Variants in KCNG2 observed in about 807,000 individuals in gnomAD.
KCNG2 encodes potassium voltage-gated channel modifier subfamily G member 2, also known as voltage-gated potassium channel regulatory subunit KCNG2.
Under a neutral mutation model 12.3 loss-of-function variants are expected in KCNG2, and 7 were observed. The observed-to-expected ratio is 0.57, with a 90% CI of 0.32 to 1.07. The LOEUF is 1.07. KCNG2 is among the 50% of genes least tolerant of loss of function. The pLI, the probability that KCNG2 is intolerant of heterozygous loss-of-function variation, is 0.04. For synonymous variants in KCNG2, 414 were observed against 351.4 expected, an observed-to-expected ratio of 1.18 and a Z score of -1.99; for missense variants, 703 against 726.0, an observed-to-expected ratio of 0.97 and a Z score of 0.36.
rs187963915 is a variant in KCNG2, at chr18:79,843,427, G to C, written c.-114-12952G>C. On this transcript the variant is annotated intron_variant, in intron 1 of 3. Transcript: ENST00000316249. ...AGGATAAAACTTACTGTAAAGGTAA[G>C]AATATAGTCAAATTCAGAATGTTCT... Among the ~76,000 whole-genome samples the C allele has an allele frequency of 7.9e-5, 12 of 152,276 alleles. No homozygotes were observed. In the East Asian group the frequency reaches 2.1e-3, roughly 27 times the overall value.
intron 3 of KCNG2, among the ~76,000 whole-genome samples, chr18:79,885,825 G>A (rs111746258): frequency 0.15 from 14,233 of 98,008 alleles, 562 homozygotes; most frequent in East Asian, 0.33. Context: ...ACGTGGGGAC[G>A]GGGACATGGG....
intron 1 of KCNG2, among the ~76,000 whole-genome samples, chr18:79,834,595 A>C (rs570715447): frequency 2.0e-5 from 3 of 152,228 alleles, no homozygotes; most frequent in Non-Finnish European, 4.4e-5. Flanking sequence ...ACAAACAAAC[A>C]AACAGCTGGT....
intron 1 of KCNG2, among the ~76,000 whole-genome samples, chr18:79,829,288 C>G (rs954681591): frequency 6.7e-6 from 1 of 149,686 alleles, no homozygotes; most frequent in African/African-American, 2.5e-5. Flanking sequence ...GTGTGTGTGT[C>G]TGCATGTATC....
chr18:79,801,018 C>G (rs979507866), intron 1 of KCNG2, among the ~76,000 whole-genome samples: 2 of 152,224 alleles, frequency 1.3e-5, no homozygotes, highest in Non-Finnish European at 2.9e-5. Flanking sequence ...TGTGAACTAT[C>G]AGACAGCCTC....
Position 79,800,696 on chromosome 18 carries a change from G to C in KCNG2, c.-115+2682G>C, listed in dbSNP as rs1014361222. ...GCAGTTCCTTCCCCGGGCGGGCGGC[G>C]CTGAGCAGACGGGAGGTGGGCTGGT... On this transcript the variant is annotated intron_variant, in intron 1 of 3. Transcript: ENST00000316249. The surrounding 1 kb of genome is among the most constrained non-coding windows in gnomAD (Gnocchi z 4.0). Among the ~76,000 whole-genome samples, 1 of 152,200 alleles carries C rather than the reference G, an allele frequency of 6.6e-6. No individual in the cohort carries two copies. The highest frequency in any genetic ancestry group is 2.4e-5 in the African/African-American group (1 of 41,454).
At chr18:79,837,543 T>A (rs947577408) in intron 1 of KCNG2, among the ~76,000 whole-genome samples, 1 of 152,212 alleles carries the variant, frequency 6.6e-6, no homozygotes, top group South Asian at 2.1e-4. Context: ...AGAAAAATCA[T>A]CTCAAGTTCA....
At chr18:79,817,361 A>G (rs144669679) in intron 1 of KCNG2, among the ~76,000 whole-genome samples, 2,405 of 152,286 alleles carry the variant, frequency 0.016, 28 homozygotes, top group Middle Eastern at 0.034. Flanking sequence ...CATGGATGTC[A>G]CACACAGTTG....
rs949398660 is a variant in KCNG2 at position 79,884,422 on chromosome 18, C to G, written c.625-14618C>G. The stretch of plus-strand genomic sequence containing the variant: ...CCGGTGAGGGCGCCTCTGCTCAACC[C>G]CGGCCTGGCAGGGACTGGCTGGTTC... On this transcript the variant is annotated intron_variant, in intron 3 of 3. Transcript: ENST00000316249. This position sits in a 1 kb window ranked among gnomAD's most constrained non-coding sequence, Gnocchi z 5.5. 6.6e-6 allele frequency among the ~76,000 whole-genome samples: 1 copy of G among 152,206 alleles called. No individual in the cohort carries two copies. Among genetic ancestry groups the G allele is most frequent in the Non-Finnish European group, 1.5e-5 (1 of 68,024 alleles).
chr18:79,849,958 G>A (rs1978761320), intron 1 of KCNG2, among the ~76,000 whole-genome samples: 2 of 152,010 alleles, frequency 1.3e-5, no homozygotes, highest in Middle Eastern at 3.4e-3. Flanking sequence ...GGGAGGGAAC[G>A]GAGACCCCAC....
chr18:79,828,497 C>T (rs1978287928), intron 1 of KCNG2, among the ~76,000 whole-genome samples: 1 of 87,632 alleles, frequency 1.1e-5, no homozygotes, highest in Non-Finnish European at 2.5e-5. Flanking sequence ...GCATATGTGT[C>T]TACATGAGTC....
At chr18:79,816,471 T>A (rs2087529582) in intron 1 of KCNG2, 1 of 152,208 alleles carries the variant, frequency 6.6e-6, no homozygotes, top group Non-Finnish European at 1.5e-5. Flanking sequence ...CGGGCGCTCT[T>A]TTCCCTTTCC....
At chr18:79,895,381 T>C (rs1236673666) in intron 3 of KCNG2, among the ~76,000 whole-genome samples, 2 of 150,984 alleles carry the variant, frequency 1.3e-5, no homozygotes, top group Non-Finnish European at 2.9e-5. Context: ...CCATTCATAA[T>C]GATTGATATA....
chr18:79,828,469 G>T (rs970478700), intron 1 of KCNG2, among the ~76,000 whole-genome samples: 2 of 150,756 alleles, frequency 1.3e-5, no homozygotes, highest in African/African-American at 4.9e-5. Flanking sequence ...ATGTGTGTCT[G>T]TGTGTGCATG....
In KCNG2 at chr18:79,884,790, T is replaced by C. The variant is rs1980458926; in HGVS notation, c.625-14250T>C. ...GGGGCTCATCCTGGGGCCCAGGAACTCGGGAGCGGTTTACCCACAGGTTCC... is the reference window on the plus strand; with the variant it reads ...GGGGCTCATCCTGGGGCCCAGGAACCCGGGAGCGGTTTACCCACAGGTTCC... On this transcript the variant is annotated intron_variant, in intron 3 of 3. Transcript: ENST00000316249. The surrounding 1 kb of genome is among the most constrained non-coding windows in gnomAD (Gnocchi z 5.5). 6.6e-6 allele frequency among the ~76,000 whole-genome samples: 1 copy of C among 152,164 alleles called. No individual in the cohort carries two copies. Among genetic ancestry groups the C allele is most frequent in the African/African-American group, 2.4e-5 (1 of 41,440 alleles).
At chr18:79,851,605 C>A (rs573691574) in intron 1 of KCNG2, among the ~76,000 whole-genome samples, 29 of 139,598 alleles carry the variant, frequency 2.1e-4, no homozygotes, top group Non-Finnish European at 4.5e-4. Context: ...TGTGCATGTG[C>A]GGGTGTGTGA....
intron 1 of KCNG2, among the ~76,000 whole-genome samples, chr18:79,833,288 A>G (rs1978306267): frequency 6.6e-6 from 1 of 152,036 alleles, no homozygotes; most frequent in Admixed American, 6.6e-5. Context: ...GGTGTGTGCT[A>G]CCACACCTGG....
chr18:79,895,831 CTG>C (rs1363816267), intron 3 of KCNG2, among the ~76,000 whole-genome samples: 1 of 152,254 alleles, frequency 6.6e-6, no homozygotes, highest in East Asian at 1.9e-4. Context: ...ATAGTTGGGT[CTG>C]TGTCTGCCAC....
chr18:79,890,637 G>A (rs62103240), intron 3 of KCNG2, among the ~76,000 whole-genome samples: 7,023 of 152,280 alleles, frequency 0.046, 213 homozygotes, highest in Non-Finnish European at 0.071. Context: ...ACAAGACATC[G>A]TTCTTTCTGT....
At chr18:79,888,395 G>A (rs1246146315) in intron 3 of KCNG2, among the ~76,000 whole-genome samples, 1 of 151,400 alleles carries the variant, frequency 6.6e-6, no homozygotes, top group African/African-American at 2.4e-5. Context: ...CCGCGGTGGG[G>A]CCGGGACGGC....
Sources: allele counts gnomAD v4.1 joint callset (sites outside exome capture counted in the v4.1 genomes callset), GRCh38; gene constraint gnomAD v4.1.1; non-coding constraint Gnocchi (gnomAD v3.1); transcripts MANE v1.5; gene names NCBI Gene and HGNC (gene_info 2026-07-23, HGNC 2026-07-21).